Variants in NEGR1 observed in about 807,000 individuals in gnomAD.
NEGR1 encodes the protein IgLON family member 4.
Under a neutral mutation model 40.9 loss-of-function variants are expected in NEGR1, and 10 were observed. That is an observed-to-expected ratio of 0.24 (90% confidence interval 0.15 to 0.42). NEGR1 has a LOEUF of 0.42. Ranked by LOEUF, NEGR1 falls within the 10% of genes least tolerant of loss-of-function variation. The pLI is 1.00. For synonymous variants in NEGR1, 185 were observed against 166.8 expected, an observed-to-expected ratio of 1.11 and a Z score of -0.84; for missense variants, 352 against 438.9, an observed-to-expected ratio of 0.80 and a Z score of 1.77.
chr1:72,039,394 A>G (rs373292947), intron 1 of NEGR1, among the ~76,000 whole-genome samples: 269 of 152,084 alleles, frequency 1.8e-3, no homozygotes, highest in African/African-American at 6.1e-3. Flanking sequence ...AAAGAAGTCC[A>G]GAGAAAAGAC....
chr1:72,012,761 C>T (rs1186516124), intron 1 of NEGR1, among the ~76,000 whole-genome samples: 1 of 150,596 alleles, frequency 6.6e-6, no homozygotes, highest in Non-Finnish European at 1.5e-5. Flanking sequence ...TTTGCCTCCA[C>T]AGATCTCATT....
chr1:71,713,512 T>A (rs1488850303), intron 3 of NEGR1, among the ~76,000 whole-genome samples: 3 of 152,210 alleles, frequency 2.0e-5, no homozygotes, highest in Non-Finnish European at 4.4e-5. Context: ...CAGGATATCA[T>A]AAATAAGAAT....
chr1:72,272,534 A>G (rs1655878533), intron 1 of NEGR1, among the ~76,000 whole-genome samples: 1 of 152,024 alleles, frequency 6.6e-6, no homozygotes, highest in Non-Finnish European at 1.5e-5. Flanking sequence ...TACATAAAAT[A>G]TCTTCTGATT....
rs1290062858 is a variant in NEGR1, at chr1:71,888,642, G to A, written c.409+46437C>T. 1.0e-4 allele frequency among the ~76,000 whole-genome samples: 13 copies of A among 130,070 alleles called. No homozygotes were observed. In the East Asian group the frequency reaches 1.6e-3, roughly 16 times the overall value. The allele number at this position is 130,070 out of a possible 152,430, so 85.3% of individuals were successfully genotyped here. A position where few individuals can be genotyped will look rare whatever the true frequency, so the allele number is the denominator to read the frequency against. ...CAAGGCGGCAACGAGGCTGGGGGAG[G>A]GGCGCCCGCCATTGCCCAGGCTTGC... On this transcript the variant is annotated intron_variant, in intron 2 of 6. Transcript: ENST00000357731.
intron 1 of NEGR1, among the ~76,000 whole-genome samples, chr1:72,129,786 C>T (rs1052933891): frequency 2.0e-5 from 3 of 152,118 alleles, no homozygotes; most frequent in Non-Finnish European, 2.9e-5. Context: ...AGCTTTGGGT[C>T]ATCCCTCACT....
rs534203230 is a variant in NEGR1, at chr1:72,144,658, C to T, written c.176+137661G>A. ...AGCTGTTTAGATTTTGAACACTTTT[C>T]CCAAAGACACAATCTCACTTCTCTA... On this transcript the variant is annotated intron_variant, in intron 1 of 6. Transcript: ENST00000357731. Among the ~76,000 whole-genome samples, 5 of 152,086 alleles carry T rather than the reference C, an allele frequency of 3.3e-5. No homozygotes were observed. The East Asian group carries it at 7.7e-4, about 23-fold the overall frequency.
At chr1:71,424,112 G>A (rs1232561405) in intron 6 of NEGR1, among the ~76,000 whole-genome samples, 1 of 150,932 alleles carries the variant, frequency 6.6e-6, no homozygotes, top group Non-Finnish European at 1.5e-5. Flanking sequence ...AAAATTTGTT[G>A]TCATTTGATA....
At chr1:71,556,950 G>A (rs953978094) in intron 6 of NEGR1, among the ~76,000 whole-genome samples, 12 of 151,692 alleles carry the variant, frequency 7.9e-5, no homozygotes, top group Admixed American at 2.6e-4. Flanking sequence ...TTTATTTTGC[G>A]TGAAGTGAAT....
chr1:71,630,673 T>A (rs543389247), intron 4 of NEGR1, among the ~76,000 whole-genome samples: 5 of 151,882 alleles, frequency 3.3e-5, no homozygotes, highest in Non-Finnish European at 7.4e-5. Flanking sequence ...TGTGTCTTGT[T>A]GGCTCTGATT....
chr1:72,142,572 T>TAGATAGAC (rs1347378295), intron 1 of NEGR1, among the ~76,000 whole-genome samples: 5 of 144,646 alleles, frequency 3.5e-5, no homozygotes, highest in Non-Finnish European at 7.7e-5. Context: ...GATAGACAGA[T>TAGATAGAC]AGTGATAGAA....
chr1:72,061,013 A>C (rs1417100783), intron 1 of NEGR1, among the ~76,000 whole-genome samples: 1 of 151,724 alleles, frequency 6.6e-6, no homozygotes, highest in African/African-American at 2.4e-5. Context: ...AGTTGTGTGA[A>C]TATATCCTGT....
chr1:71,570,570 C>A (rs888765291), intron 6 of NEGR1, among the ~76,000 whole-genome samples: 15 of 151,904 alleles, frequency 9.9e-5, no homozygotes, highest in Non-Finnish European at 1.9e-4. Flanking sequence ...TGCATACTTC[C>A]AGTGGTCAAA....
In NEGR1 at chr1:71,782,205, C is replaced by T. The variant is rs542649282; in HGVS notation, c.410-5908G>A. The stretch of plus-strand genomic sequence containing the variant: ...TAGTGCCCTTATAAAATAGACCCCA[C>T]GAGCTAGGCCACCCCTTCCACCATG... On this transcript the variant is annotated intron_variant, in intron 2 of 6. Transcript: ENST00000357731. 1.1e-3 allele frequency among the ~76,000 whole-genome samples: 169 copies of T among 152,190 alleles called. 1 individual carries two copies. Among genetic ancestry groups the T allele is most frequent in the African/African-American group, 3.8e-3 (159 of 41,530 alleles).
intron 4 of NEGR1, among the ~76,000 whole-genome samples, chr1:71,687,068 T>G (rs925160845): frequency 3.3e-5 from 5 of 152,230 alleles, no homozygotes; most frequent in African/African-American, 1.2e-4. Flanking sequence ...AACACTTATT[T>G]GTTTAGACTA....
chr1:71,440,773 T>C (rs923943146), intron 6 of NEGR1, among the ~76,000 whole-genome samples: 6 of 152,234 alleles, frequency 3.9e-5, no homozygotes, highest in South Asian at 4.1e-4. Context: ...CTTAGGTCTT[T>C]ATTTCTGTCA....
chr1:71,789,569 A>C (rs1168010902), intron 2 of NEGR1, among the ~76,000 whole-genome samples: 1 of 152,134 alleles, frequency 6.6e-6, no homozygotes, highest in Admixed American at 6.6e-5. Flanking sequence ...AAGGAACACT[A>C]ACATGCTTTA....
chr1:71,773,015 C>G (rs544590936), intron 3 of NEGR1, among the ~76,000 whole-genome samples: 2 of 152,090 alleles, frequency 1.3e-5, no homozygotes, highest in Non-Finnish European at 2.9e-5. Flanking sequence ...TATCCAGAAA[C>G]ATCTCAGGAA....
At chr1:71,623,735 G>A (rs1290614274) in intron 4 of NEGR1, among the ~76,000 whole-genome samples, 1 of 151,868 alleles carries the variant, frequency 6.6e-6, no homozygotes, top group Non-Finnish European at 1.5e-5. Context: ...GGGAGGAGGG[G>A]TGGTAGAAAA....
At chr1:72,125,628 AC>A (rs1299900067) in intron 1 of NEGR1, among the ~76,000 whole-genome samples, 1 of 152,320 alleles carries the variant, frequency 6.6e-6, no homozygotes, top group East Asian at 1.9e-4. Context: ...TACACAGAGC[AC>A]AGATAGTGTA....
Sources: allele counts gnomAD v4.1 joint callset (sites outside exome capture counted in the v4.1 genomes callset), GRCh38; gene constraint gnomAD v4.1.1; transcripts MANE v1.5; gene names NCBI Gene and HGNC (gene_info 2026-07-23, HGNC 2026-07-21).